The following SPTLC1 variants were observed in gnomAD, a reference collection of about 807,000 sequenced individuals.
SPTLC1 encodes the protein serine palmitoyltransferase long chain base subunit 1.
Under a neutral mutation model 68.9 loss-of-function variants are expected in SPTLC1, and 55 were observed. The observed-to-expected ratio is 0.80, with a 90% CI of 0.64 to 1.00. The LOEUF (loss-of-function observed/expected upper bound fraction) is 1.00, where lower values mean the gene tolerates loss of function less well. Ranked by LOEUF, SPTLC1 falls within the 50% of genes least tolerant of loss-of-function variation. SPTLC1 has a pLI of 0.00. For missense variants in SPTLC1, 449 were observed against 573.1 expected (o/e 0.78, Z 2.21); for synonymous variants, 197 against 201.6 (o/e 0.98, Z 0.19).
At chr9:92,082,872 C>T (rs1363120893) in intron 3 of SPTLC1, among the ~76,000 whole-genome samples, 1 of 151,744 alleles carries the variant, frequency 6.6e-6, no homozygotes, top group African/African-American at 2.4e-5. Flanking sequence ...TAAAAGTGTT[C>T]CTATTTCTCC....
At chr9:92,053,888 T>C in intron 8 of SPTLC1, 1 of 871,838 alleles carries the variant, frequency 1.1e-6, no homozygotes. Flanking sequence ...TCCTGTACAA[T>C]TTAAATTGGT....
intron 3 of SPTLC1, chr9:92,104,761 C>T (rs1216263359): frequency 1.3e-6 from 2 of 1,533,532 alleles, no homozygotes; most frequent in Non-Finnish European, 1.7e-6. Context: ...CAGCTTCCAC[C>T]TCTAGGCCCC....
chr9:92,082,512 A>T (rs1261112506), intron 3 of SPTLC1, among the ~76,000 whole-genome samples: 1 of 150,160 alleles, frequency 6.7e-6, no homozygotes, highest in Non-Finnish European at 1.5e-5. Context: ...TCCTTGCGAT[A>T]GTTTACTGAG....
chr9:92,038,237 C>G lies in SPTLC1; in HGVS notation c.1254+11G>C, dbSNP rs775909787. 6.4e-7 allele frequency: 1 copy of G among 1,565,508 alleles called. No homozygotes were observed. Among genetic ancestry groups the G allele is most frequent in the Non-Finnish European group, 8.8e-7 (1 of 1,135,686 alleles). Reference sequence around the variant, plus strand: ...GGTGTGGGGGGATGCCTCAAGTCAACGGATACTTACTTGATCTACAATTTC... The same window carrying G: ...GGTGTGGGGGGATGCCTCAAGTCAAGGGATACTTACTTGATCTACAATTTC... On this transcript the variant is annotated intron_variant, in intron 13 of 14. Transcript: ENST00000262554.
At chr9:92,043,439 T>C (rs1320045680) in intron 12 of SPTLC1, among the ~76,000 whole-genome samples, 2 of 152,242 alleles carry the variant, frequency 1.3e-5, no homozygotes, top group Non-Finnish European at 2.9e-5. Flanking sequence ...GCTGCTGCTC[T>C]GCACTCCATG....
intron 5 of SPTLC1, chr9:92,079,754 C>T: frequency 1.5e-6 from 1 of 667,872 alleles, no homozygotes; most frequent in Non-Finnish European, 2.7e-6. Context: ...TACTGCTGCT[C>T]TGCACTCGTT....
At chr9:92,099,158 CAG>C (rs752156018) in intron 3 of SPTLC1, among the ~76,000 whole-genome samples, 2 of 152,196 alleles carry the variant, frequency 1.3e-5, no homozygotes, top group Non-Finnish European at 2.9e-5. Flanking sequence ...TGAACTCTGC[CAG>C]AAGAAAGGGC....
intron 3 of SPTLC1, among the ~76,000 whole-genome samples, chr9:92,081,967 G>A (rs929408092): frequency 2.6e-5 from 4 of 152,150 alleles, no homozygotes; most frequent in African/African-American, 7.2e-5. Context: ...TCATGAAAGC[G>A]AACTAACTTA....
chr9:92,068,616 T>C (rs767213531), intron 5 of SPTLC1, among the ~76,000 whole-genome samples: 30 of 152,254 alleles, frequency 2.0e-4, no homozygotes, highest in Non-Finnish European at 3.8e-4. Flanking sequence ...TGGGATTCTG[T>C]CTGAATTTCT....
chr9:92,084,383 A>T (rs1375564537), intron 3 of SPTLC1, among the ~76,000 whole-genome samples: 4 of 152,196 alleles, frequency 2.6e-5, no homozygotes, highest in African/African-American at 9.7e-5. Flanking sequence ...TGGGTCTGTC[A>T]TAGATAGCTC....
At chr9:92,035,624 C>T (rs1394591649) in intron 13 of SPTLC1, among the ~76,000 whole-genome samples, 4 of 151,866 alleles carry the variant, frequency 2.6e-5, no homozygotes, top group East Asian at 3.9e-4. Context: ...AGCCACTTAA[C>T]GATATACTTC....
intron 5 of SPTLC1, among the ~76,000 whole-genome samples, chr9:92,075,023 C>T (rs753166320): frequency 3.2e-4 from 48 of 152,074 alleles, no homozygotes; most frequent in Middle Eastern, 3.2e-3. Flanking sequence ...GGCCCTCTCC[C>T]GTGACCTGCT....
intron 3 of SPTLC1, among the ~76,000 whole-genome samples, chr9:92,089,092 G>A (rs1157914644): frequency 2.6e-5 from 4 of 152,158 alleles, no homozygotes; most frequent in African/African-American, 9.7e-5. Context: ...ATAAACATAA[G>A]GAAAGGTTAA....
At chr9:92,081,211 C>T (rs1220057867) in intron 3 of SPTLC1, among the ~76,000 whole-genome samples, 1 of 152,020 alleles carries the variant, frequency 6.6e-6, no homozygotes, top group Non-Finnish European at 1.5e-5. Context: ...AGCTAGAATT[C>T]CAAGATGAAT....
intron 5 of SPTLC1, among the ~76,000 whole-genome samples, chr9:92,068,842 G>T (rs1485827291): frequency 6.6e-6 from 1 of 152,144 alleles, no homozygotes; most frequent in Non-Finnish European, 1.5e-5. Context: ...GACCAGTGAT[G>T]CTTAGAATAA....
At chr9:92,090,638 A>G (rs1381792737) in intron 3 of SPTLC1, among the ~76,000 whole-genome samples, 3 of 151,726 alleles carry the variant, frequency 2.0e-5, no homozygotes, top group Admixed American at 6.6e-5. Flanking sequence ...AAAATTGGAC[A>G]GGAATTACTT....
At chr9:92,085,682 T>C (rs1835093650) in intron 3 of SPTLC1, among the ~76,000 whole-genome samples, 1 of 151,728 alleles carries the variant, frequency 6.6e-6, no homozygotes, top group Non-Finnish European at 1.5e-5. Flanking sequence ...AATTTTGGAA[T>C]AGGTGTGGTG....
At chr9:92,065,522 A>T (rs1157081177) in intron 6 of SPTLC1, among the ~76,000 whole-genome samples, 2 of 147,334 alleles carry the variant, frequency 1.4e-5, no homozygotes, top group Admixed American at 1.4e-4. Context: ...CCTAGCAGTT[A>T]AAAAAAAAAA....
Position 92,042,882 on chromosome 9 carries a change from T to C in SPTLC1, c.1136+3117A>G, listed in dbSNP as rs527621922. ...TAGGTACAAATGGGAACCTGGTATA[T>C]GATACAGTACTGTCAACCAGTAGGA... is the stretch of plus-strand genomic sequence containing the variant. On this transcript the variant is annotated intron_variant, in intron 12 of 14. Coordinates refer to ENST00000262554, the MANE Select transcript of SPTLC1 (RefSeq NM_006415.4). Among the ~76,000 whole-genome samples the C allele has an allele frequency of 2.6e-5, 4 of 152,350 alleles. No homozygotes were observed. The South Asian group carries it at 6.2e-4, about 24-fold the overall frequency.
Sources: gnomAD v4.1 joint callset for allele counts (sites outside exome capture counted in the v4.1 genomes callset) on GRCh38, gnomAD v4.1.1 for gene constraint, MANE v1.5 for transcripts, NCBI Gene and HGNC (gene_info 2026-07-23, HGNC 2026-07-21) for gene names.